The following MAGI1 variants were observed in gnomAD, a reference collection of about 807,000 sequenced individuals.
MAGI1 encodes membrane-associated guanylate kinase, WW and PDZ domain-containing protein 1.
A neutral mutation model predicts 139.9 loss-of-function variants in MAGI1; 58 were observed. The ratio of observed to expected loss-of-function variants is 0.41; its 90% CI spans 0.34 to 0.52. The LOEUF is 0.52. Among genes scored for constraint, MAGI1 ranks in the 20% least tolerant of loss-of-function variants. The pLI, the probability that MAGI1 is intolerant of heterozygous loss-of-function variation, is 0.12. For missense variants in MAGI1, 1,874 were observed against 1,901.6 expected (o/e 0.99, Z 0.27); for synonymous variants, 812 against 737.9 (o/e 1.10, Z -1.63).
At chr3:65,573,653 T>C (rs1025695232) in intron 2 of MAGI1, among the ~76,000 whole-genome samples, 3 of 151,778 alleles carry the variant, frequency 2.0e-5, no homozygotes, top group Non-Finnish European at 4.4e-5. Flanking sequence ...GGTGAAAGAG[T>C]GAATGTTTTT....
chr3:65,651,256 T>C (rs1294935100), intron 1 of MAGI1, among the ~76,000 whole-genome samples: 1 of 152,214 alleles, frequency 6.6e-6, no homozygotes, highest in East Asian at 1.9e-4. Context: ...ACAAGGAACC[T>C]GCCTGGTTTT....
intron 1 of MAGI1, among the ~76,000 whole-genome samples, chr3:66,022,472 GA>G (rs1382958485): frequency 2.0e-5 from 3 of 152,124 alleles, no homozygotes; most frequent in African/African-American, 7.2e-5. Flanking sequence ...AATTTTAAAA[GA>G]AAAATAAATT....
intron 1 of MAGI1, among the ~76,000 whole-genome samples, chr3:65,808,327 C>A (rs895674179): frequency 6.6e-6 from 1 of 151,922 alleles, no homozygotes; most frequent in South Asian, 2.1e-4. Context: ...ATGGTGAAAC[C>A]CTGTCTCTAT....
At chr3:65,448,364 G>A (rs1948802126) in intron 6 of MAGI1, 1 of 490,122 alleles carries the variant, frequency 2.0e-6, no homozygotes, top group African/African-American at 1.9e-5. Flanking sequence ...TCTTAAGTGG[G>A]AAGTCACTTA....
chr3:65,765,393 A>G (rs2037384092), intron 1 of MAGI1, among the ~76,000 whole-genome samples: 1 of 152,128 alleles, frequency 6.6e-6, no homozygotes, highest in Non-Finnish European at 1.5e-5. Context: ...CTATAAAGAA[A>G]CCAATGTTCC....
At chr3:65,496,475 A>T (rs1176046977) in intron 2 of MAGI1, among the ~76,000 whole-genome samples, 5 of 152,222 alleles carry the variant, frequency 3.3e-5, no homozygotes, top group Non-Finnish European at 7.3e-5. Flanking sequence ...GGTAATCAAG[A>T]TATGGACTAG....
chr3:65,521,201 C>G (rs1259306452), intron 2 of MAGI1, among the ~76,000 whole-genome samples: 1 of 152,132 alleles, frequency 6.6e-6, no homozygotes, highest in Non-Finnish European at 1.5e-5. Flanking sequence ...TACTCACATC[C>G]CACTTCCACT....
At chr3:65,648,080 G>C (rs981145766) in intron 1 of MAGI1, among the ~76,000 whole-genome samples, 1 of 151,800 alleles carries the variant, frequency 6.6e-6, no homozygotes, top group African/African-American at 2.4e-5. Flanking sequence ...AAAACAAAAA[G>C]CCTCCTAGTA....
At chr3:65,860,871 C>G (rs2059534445) in intron 1 of MAGI1, among the ~76,000 whole-genome samples, 1 of 152,154 alleles carries the variant, frequency 6.6e-6, no homozygotes, top group African/African-American at 2.4e-5. Flanking sequence ...CATTATTTTA[C>G]CCATTACTTC....
chr3:65,629,650 T>C (rs59806634), intron 1 of MAGI1, among the ~76,000 whole-genome samples: 7,950 of 152,090 alleles, frequency 0.052, 418 homozygotes, highest in African/African-American at 0.13. Flanking sequence ...AAAAACAAAT[T>C]AGCTTGTTTT....
intron 1 of MAGI1, among the ~76,000 whole-genome samples, chr3:65,671,156 T>G (rs1298669036): frequency 6.6e-6 from 1 of 152,156 alleles, no homozygotes; most frequent in Admixed American, 6.6e-5. Flanking sequence ...ACAACTGAGC[T>G]TCAAGAGACT....
intron 1 of MAGI1, among the ~76,000 whole-genome samples, chr3:66,037,071 T>G (rs2068965553): frequency 6.6e-6 from 1 of 152,146 alleles, no homozygotes; most frequent in Non-Finnish European, 1.5e-5. Flanking sequence ...TCCTCCATAC[T>G]TAAGGCTCTG....
intron 1 of MAGI1, among the ~76,000 whole-genome samples, chr3:65,906,419 G>A (rs2061435540): frequency 6.6e-6 from 1 of 152,194 alleles, no homozygotes; most frequent in Non-Finnish European, 1.5e-5. Flanking sequence ...CTGAACCACA[G>A]CAAGGGGAAG....
At chr3:65,875,018 G>A (rs557749901) in intron 1 of MAGI1, 1 of 152,650 alleles carries the variant, frequency 6.6e-6, no homozygotes, top group Non-Finnish European at 1.5e-5. Context: ...AGGAGTCTGT[G>A]ACCAGCCTGG....
intron 1 of MAGI1, among the ~76,000 whole-genome samples, chr3:65,901,206 A>G (rs547867432): frequency 2.6e-5 from 4 of 152,346 alleles, no homozygotes; most frequent in South Asian, 2.1e-4. Flanking sequence ...TCCAGAGACA[A>G]GGAAAAAATA....
chr3:65,738,646 G>A (rs1699804063), intron 1 of MAGI1, among the ~76,000 whole-genome samples: 1 of 152,218 alleles, frequency 6.6e-6, no homozygotes, highest in Admixed American at 6.5e-5. Context: ...TCCATGGGCT[G>A]CAGAAGGGAT....
intron 1 of MAGI1, among the ~76,000 whole-genome samples, chr3:65,948,715 G>C (rs1438279713): frequency 6.6e-6 from 1 of 152,164 alleles, no homozygotes; most frequent in Non-Finnish European, 1.5e-5. Context: ...AGTCTCAAAT[G>C]AGTACATCTA....
chr3:65,903,258 T>C (rs1175501459), intron 1 of MAGI1, among the ~76,000 whole-genome samples: 1 of 152,100 alleles, frequency 6.6e-6, no homozygotes, highest in Non-Finnish European at 1.5e-5. Context: ...CCTCCCAAAG[T>C]GGTGGGATTA....
At chr3:65,548,154 A>T (rs1269212464) in intron 2 of MAGI1, among the ~76,000 whole-genome samples, 4 of 152,212 alleles carry the variant, frequency 2.6e-5, no homozygotes, top group African/African-American at 9.6e-5. Context: ...AGCTCTGCTC[A>T]TGGCAGACAG....
Sources: gnomAD v4.1 joint callset for allele counts (sites outside exome capture counted in the v4.1 genomes callset) on GRCh38, gnomAD v4.1.1 for gene constraint, MANE v1.5 for transcripts, NCBI Gene and HGNC (gene_info 2026-07-23, HGNC 2026-07-21) for gene names.